The following SUCO variants were observed in gnomAD, a reference collection of about 807,000 sequenced individuals.
SUCO encodes the protein SUN domain-containing ossification factor.
SUCO carries 57 observed loss-of-function variants against 148.1 expected under a neutral mutation model. That is an observed-to-expected ratio of 0.38 (90% CI 0.31 to 0.48). The LOEUF is 0.48. Ranked by LOEUF, SUCO falls within the 20% of genes least tolerant of loss-of-function variation. The pLI is 0.96. For synonymous variants in SUCO, 470 were observed against 502.7 expected (o/e 0.93, Z 0.87); for missense variants, 1,331 against 1,468.2 (o/e 0.91, Z 1.53).
intron 19 of SUCO, among the ~76,000 whole-genome samples, chr1:172,597,002 C>T (rs1400024641): frequency 6.6e-6 from 1 of 152,244 alleles, no homozygotes; most frequent in Non-Finnish European, 1.5e-5. Context: ...TGCCCCTCCC[C>T]TAGCCTCACT....
In SUCO at chr1:172,559,802, G is replaced by A. The variant is rs1395316455; in HGVS notation, c.732+2008G>A. ...GAGGTGGTAACTTCCAGGTGTTGCT[G>A]TGGCAGTGGTAAACAGACATAGCAC... On this transcript the variant is annotated intron_variant, in intron 6 of 23. Transcript: ENST00000263688. 1.4e-4 allele frequency among the ~76,000 whole-genome samples: 22 copies of A among 152,308 alleles called. No individual in the cohort carries two copies. In the East Asian group the frequency reaches 3.7e-3, roughly 25 times the overall value.
intron 1 of SUCO, among the ~76,000 whole-genome samples, chr1:172,543,454 C>G (rs1652636700): frequency 6.6e-6 from 1 of 152,154 alleles, no homozygotes; most frequent in South Asian, 2.1e-4. Flanking sequence ...TTATTTCCAG[C>G]ATCTTAGAGG....
chr1:172,600,307 G>T (rs1657417454), intron 20 of SUCO, 139 bp downstream of exon 20: 1 of 636,716 alleles, frequency 1.6e-6, no homozygotes, highest in Non-Finnish European at 2.7e-6. Context: ...TCAAAAACCA[G>T]AATATGGCAT....
At chr1:172,532,449 A>G, upstream of SUCO, 1 of 1,572,822 alleles carries the variant, frequency 6.4e-7, no homozygotes, top group East Asian at 2.2e-5. Flanking sequence ...AAAAAGCGAA[A>G]GGTTTTCCGC....
At chr1:172,546,383 C>T (rs1027282762) in intron 1 of SUCO, among the ~76,000 whole-genome samples, 4 of 152,104 alleles carry the variant, frequency 2.6e-5, no homozygotes, top group African/African-American at 9.7e-5. Flanking sequence ...GTTACATTCA[C>T]TCAAGAATTG....
At chr1:172,577,623 A>G in intron 12 of SUCO, 64 bp downstream of exon 12, 1 of 1,590,956 alleles carries the variant, frequency 6.3e-7, no homozygotes. Flanking sequence ...CATTACAAAA[A>G]CTTTACAAGT....
chr1:172,601,350 G>A (rs981452934), intron 20 of SUCO, among the ~76,000 whole-genome samples: 3 of 152,070 alleles, frequency 2.0e-5, no homozygotes, highest in African/African-American at 4.8e-5. Flanking sequence ...AAATTAGCCG[G>A]TGTGGTGGCA....
chr1:172,575,523 C>A lies in SUCO; in HGVS notation c.1163C>A (p.Pro388Gln), dbSNP rs1173861959. The stretch of plus-strand genomic sequence containing the variant: ...ATATTGCTTATATTTTTTAGATATC[C>A]AACAAATAAGTGGATTAAGCTGGGT... ...DFLVSISDRY[P>Q]TNKWIKLGTF... Residue 388 changes from proline (P) to glutamine (Q), a missense_variant, in exon 11 of 24, where the codon CCA becomes CAA. This residue lies in a region of SUCO where 992 missense variants were observed against 1,093.5 expected (regional missense o/e 0.91). Transcript: ENST00000263688. 6.2e-7 allele frequency: 1 copy of A among 1,601,674 alleles called. No individual in the cohort carries two copies. Among genetic ancestry groups the A allele is most frequent in the Non-Finnish European group, 8.5e-7 (1 of 1,171,588 alleles).
intron 22 of SUCO, among the ~76,000 whole-genome samples, chr1:172,604,266 C>A (rs1657717343): frequency 6.6e-6 from 1 of 151,766 alleles, no homozygotes; most frequent in Non-Finnish European, 1.5e-5. Context: ...GCTTTTTGCA[C>A]CTGATAATAG....
At chr1:172,557,440 CCTT>C (rs1410446495) in intron 5 of SUCO, 23 bp downstream of exon 5, 6 of 1,613,060 alleles carry the variant, frequency 3.7e-6, no homozygotes, top group South Asian at 2.2e-5. Flanking sequence ...AGTTGTTTGT[CCTT>C]CTTATGATTC....
chr1:172,572,990 C>A (rs1333985928), intron 9 of SUCO, among the ~76,000 whole-genome samples: 1 of 151,932 alleles, frequency 6.6e-6, no homozygotes, highest in African/African-American at 2.4e-5. Flanking sequence ...ATATTTTTGG[C>A]ATCTTTCCAT....
intron 6 of SUCO, among the ~76,000 whole-genome samples, chr1:172,566,647 G>C (rs966946703): frequency 1.3e-5 from 2 of 152,258 alleles, no homozygotes; most frequent in Admixed American, 6.5e-5. Context: ...AGGCAGTTCT[G>C]CAGTCATACC....
chr1:172,584,232 A>G (rs1407811836), intron 15 of SUCO: 1 of 175,060 alleles, frequency 5.7e-6, no homozygotes, highest in Non-Finnish European at 1.1e-5. Context: ...TTTTTTGGAT[A>G]ATCTCTGTTT....
In SUCO at chr1:172,609,980, A is replaced by C. The variant is rs1371112051; in HGVS notation, c.3486A>C (p.Pro1162=). The C allele has an allele frequency of 6.2e-7, 1 of 1,614,018 alleles. No homozygotes were observed. The highest frequency in any genetic ancestry group is 8.5e-7 in the Non-Finnish European group (1 of 1,179,902). ...ATCACTCTTCTTATAAAGGTCCTCC[A>C]TCTGAAGGAAGCTCAGAAACTTCAT... ...EVYHSSYKGP[P]SEGSSETSSQ... The change falls in exon 24 of 24, where the codon CCA becomes CCC. Residue 1162 remains proline (P), a synonymous_variant. Coordinates refer to ENST00000263688, the MANE Select transcript of SUCO (RefSeq NM_014283.5).
At chr1:172,563,001 G>A (rs1654297136) in intron 6 of SUCO, among the ~76,000 whole-genome samples, 1 of 152,142 alleles carries the variant, frequency 6.6e-6, no homozygotes, top group African/African-American at 2.4e-5. Context: ...TGTAAAGAAG[G>A]TACTTGCTTC....
chr1:172,577,896 G>C, intron 13 of SUCO, 77 bp downstream of exon 13: 1 of 1,134,704 alleles, frequency 8.8e-7, no homozygotes, highest in Non-Finnish European at 1.3e-6. Context: ...TTAAAGTGAA[G>C]AAATAATTTT....
intron 3 of SUCO, chr1:172,555,307 G>C: frequency 1.3e-6 from 1 of 755,770 alleles, no homozygotes; most frequent in Non-Finnish European, 1.6e-6. Context: ...GTTGATCTTG[G>C]AGGAGGAGGT....
intron 19 of SUCO, among the ~76,000 whole-genome samples, chr1:172,598,568 G>A (rs532287233): frequency 9.3e-4 from 141 of 152,298 alleles, no homozygotes; most frequent in Non-Finnish European, 1.5e-3. Flanking sequence ...CATGAACGCA[G>A]TGTGTTATTT....
chr1:172,574,391 C>T (rs569673986), intron 10 of SUCO, among the ~76,000 whole-genome samples: 10 of 151,984 alleles, frequency 6.6e-5, no homozygotes, highest in Non-Finnish European at 1.5e-4. Context: ...TTGTTAAAAA[C>T]ATACATGTGT....
Sources: gnomAD v4.1 joint callset for allele counts (sites outside exome capture counted in the v4.1 genomes callset) on GRCh38, gnomAD v4.1.1 for gene constraint, gnomAD v4.1.1 regional missense constraint, MANE v1.5 for transcripts, NCBI Gene and HGNC (gene_info 2026-07-23, HGNC 2026-07-21) for gene names.